Variants in PSD3 observed in about 807,000 individuals in gnomAD.
The protein encoded by PSD3 is PH and SEC7 domain-containing protein 3.
PSD3 carries 49 observed loss-of-function variants against 105.5 expected under a neutral mutation model. The ratio of observed to expected loss-of-function variants is 0.46; its 90% confidence interval spans 0.37 to 0.59. The LOEUF is 0.59. PSD3 is among the 20% of genes least tolerant of loss of function. The pLI, the probability that PSD3 is intolerant of heterozygous loss-of-function variation, is 0.00. For synonymous variants in PSD3, 557 were observed against 457.8 expected, an observed-to-expected ratio of 1.22 and a Z score of -2.77; for missense variants, 1,561 against 1,263.8, an observed-to-expected ratio of 1.24 and a Z score of -3.57.
chr8:18,755,805 G>C (rs1264971203), intron 9 of PSD3, among the ~76,000 whole-genome samples: 1 of 149,346 alleles, frequency 6.7e-6, no homozygotes, highest in Non-Finnish European at 1.5e-5. Flanking sequence ...TGGATCTTCA[G>C]TTACTTCAAA....
In PSD3 at chr8:18,959,110, G is replaced by A. The variant is rs188581949; in HGVS notation, c.22-22968C>T. 5.5e-3 allele frequency among the ~76,000 whole-genome samples: 837 copies of A among 152,024 alleles called. 4 individuals carry two copies. Among genetic ancestry groups the A allele is most frequent in the African/African-American group, 0.019 (799 of 41,476 alleles). On this transcript the variant is annotated intron_variant, in intron 1 of 15. Transcript: ENST00000327040. ...TAATTTTTGTATTTTTAGTAGAGAC[G>A]GCATTTCACCACGTTGGCCAGGCTG...
chr8:18,943,314 C>T (rs1563447875), intron 1 of PSD3, among the ~76,000 whole-genome samples: 2 of 152,188 alleles, frequency 1.3e-5, no homozygotes, highest in Non-Finnish European at 2.9e-5. Context: ...TAAAAAATCA[C>T]TGTTGTTTAT....
rs548147838 is a variant in PSD3, at chr8:18,799,223, A to C, written c.2082+72T>G. 2.3e-4 allele frequency: 312 copies of C among 1,327,820 alleles called. No homozygotes were observed. The East Asian group carries it at 7.0e-3, about 30-fold the overall frequency. 82.3% of individuals were successfully genotyped at this position (1,327,820 alleles called of 1,614,324 possible). On this transcript the variant is annotated intron_variant, in intron 8 of 15. Coordinates refer to ENST00000327040, the MANE Select transcript of PSD3 (RefSeq NM_015310.4). ...ATGGGAAACGGGGAGGCAGAAAATA[A>C]ATGTGTTTGAACATAAAAGCAGAGA...
At chr8:18,876,645 C>T (rs1817752067) in intron 2 of PSD3, among the ~76,000 whole-genome samples, 1 of 152,166 alleles carries the variant, frequency 6.6e-6, no homozygotes, top group Non-Finnish European at 1.5e-5. Flanking sequence ...AAGGATACGC[C>T]TGCCTCGGCC....
intron 11 of PSD3, among the ~76,000 whole-genome samples, chr8:18,603,730 G>A (rs772815509): frequency 7.9e-5 from 12 of 152,280 alleles, no homozygotes; most frequent in South Asian, 2.1e-4. Context: ...AGCACCATCC[G>A]CTTCTCGTGA....
chr8:18,683,707 A>G (rs1279261082), intron 9 of PSD3: 2 of 737,016 alleles, frequency 2.7e-6, no homozygotes, highest in Admixed American at 3.5e-5. Context: ...AGACACTGCC[A>G]AAGACTATCC....
rs75866535 is a variant in PSD3, at chr8:18,612,321, G to C, written c.2411-11887C>G. Among the ~76,000 whole-genome samples, 965 of 152,034 alleles carry C rather than the reference G, an allele frequency of 6.3e-3. 8 individuals are homozygous for C. The highest frequency in any genetic ancestry group is 0.022 in the African/African-American group (915 of 41,486). On this transcript the variant is annotated intron_variant, in intron 11 of 15. Coordinates refer to ENST00000327040, the MANE Select transcript of PSD3 (RefSeq NM_015310.4). ...AGGTTGACATTTCATTCATGTATTC[G>C]GAATTTTTTTTGTAAGTCAATGTTT...
intron 1 of PSD3, among the ~76,000 whole-genome samples, chr8:19,046,403 C>T (rs1828320284): frequency 6.6e-6 from 1 of 152,190 alleles, no homozygotes. Flanking sequence ...GCCACCGTGC[C>T]TGGCCGGTAA....
intron 11 of PSD3, among the ~76,000 whole-genome samples, chr8:18,623,645 GAA>G (rs34586066): frequency 1.1e-4 from 11 of 101,384 alleles, no homozygotes; most frequent in African/African-American, 2.1e-4. Flanking sequence ...CTCCATCTCA[GAA>G]AAAAAAAAAA....
chr8:19,069,493 A>G (rs1399982523), intron 1 of PSD3, among the ~76,000 whole-genome samples: 1 of 152,254 alleles, frequency 6.6e-6, no homozygotes, highest in Admixed American at 6.5e-5. Flanking sequence ...TTATGCACCC[A>G]TTACATGTAC....
chr8:18,565,223 G>A (rs1801661893), intron 14 of PSD3, among the ~76,000 whole-genome samples: 2 of 152,182 alleles, frequency 1.3e-5, no homozygotes, highest in Admixed American at 6.5e-5. Flanking sequence ...ACTGAAGTTT[G>A]AAAAGACTTC....
At chr8:18,652,371 G>A (rs1169631696) in intron 10 of PSD3, among the ~76,000 whole-genome samples, 2 of 151,972 alleles carry the variant, frequency 1.3e-5, no homozygotes, top group African/African-American at 4.8e-5. Context: ...TAACGCTAAG[G>A]GATAATATGA....
chr8:18,906,193 G>A (rs1819838169), intron 2 of PSD3, among the ~76,000 whole-genome samples: 1 of 152,118 alleles, frequency 6.6e-6, no homozygotes, highest in African/African-American at 2.4e-5. Context: ...AAAAATATCA[G>A]ATAAACATTT....
chr8:18,879,770 T>C (rs1365182935), intron 2 of PSD3, among the ~76,000 whole-genome samples: 1 of 152,148 alleles, frequency 6.6e-6, no homozygotes, highest in Non-Finnish European at 1.5e-5. Context: ...TTTTTATTTT[T>C]ATTTTTTTGT....
At chr8:18,556,095 G>A (rs1801052712) in intron 15 of PSD3, 114 bp downstream of exon 15, 1 of 1,294,260 alleles carries the variant, frequency 7.7e-7, no homozygotes, top group South Asian at 1.6e-5. Flanking sequence ...CCAAATTAGA[G>A]CCAGGGGCAA....
Position 18,871,804 on chromosome 8 carries a change from T to C in PSD3, c.1060A>G (p.Ser354Gly). ...TCCCAAACATTCTCAGTTAAACTAC[T>C]TGAATTACACAAACCAGCTGATGAG... ...LISSAGLCNS[S>G]SLTENVWDES... is the part of the protein sequence containing the mutation. The change falls in exon 3 of 16, where the codon AGT (serine) becomes GGT (glycine). Residue 354 changes from serine (S) to glycine (G), a missense_variant. Coordinates refer to ENST00000327040, the MANE Select transcript of PSD3 (RefSeq NM_015310.4). 3 of 1,614,234 alleles carry C rather than the reference T, an allele frequency of 1.9e-6. No individual in the cohort carries two copies. Among genetic ancestry groups the C allele is most frequent in the South Asian group, 2.2e-5 (2 of 91,086 alleles).
chr8:18,829,629 C>T (rs534931456), intron 4 of PSD3, among the ~76,000 whole-genome samples: 2 of 152,242 alleles, frequency 1.3e-5, no homozygotes, highest in East Asian at 3.9e-4. Context: ...TCCCTTCTAG[C>T]ACACACATCT....
intron 1 of PSD3, among the ~76,000 whole-genome samples, chr8:19,048,651 A>T (rs1828411180): frequency 6.6e-6 from 1 of 151,568 alleles, no homozygotes; most frequent in African/African-American, 2.5e-5. Context: ...GTAGAGATAC[A>T]CTTTGCCTGT....
chr8:19,064,285 A>G (rs1444216278), intron 1 of PSD3, among the ~76,000 whole-genome samples: 1 of 152,220 alleles, frequency 6.6e-6, no homozygotes, highest in Non-Finnish European at 1.5e-5. Context: ...ATAGAGTAAT[A>G]TTAGACATGA....
Sources: gnomAD v4.1 joint callset for allele counts (sites outside exome capture counted in the v4.1 genomes callset) on GRCh38, gnomAD v4.1.1 for gene constraint, MANE v1.5 for transcripts, NCBI Gene and HGNC (gene_info 2026-07-23, HGNC 2026-07-21) for gene names.